REST: variants seen among roughly 807,000 people sequenced by gnomAD.
The protein encoded by REST is RE1 silencing transcription factor.
Under a neutral mutation model 30.4 loss-of-function variants are expected in REST, and 1 was observed. The ratio of observed to expected loss-of-function variants is 0.03; its 90% CI spans 0.01 to 0.16. The LOEUF (loss-of-function observed/expected upper bound fraction) is 0.16, where lower values mean the gene tolerates loss of function less well. Among genes scored for constraint, REST ranks in the 10% least tolerant of loss-of-function variants. The pLI, the probability that REST is intolerant of heterozygous loss-of-function variation, is 1.00. For synonymous variants in REST, 504 were observed against 451.1 expected, an observed-to-expected ratio of 1.12 and a Z score of -1.49; for missense variants, 1,259 against 1,329.5, an observed-to-expected ratio of 0.95 and a Z score of 0.82.
intron 3 of REST, among the ~76,000 whole-genome samples, chr4:56,926,765 G>A (rs1200479699): frequency 6.6e-6 from 1 of 152,024 alleles, no homozygotes; most frequent in Non-Finnish European, 1.5e-5. Context: ...ACATAGATTA[G>A]ATTATTTATA....
In REST at chr4:56,930,380, A is replaced by G. The variant is rs1578513720; in HGVS notation, c.1522A>G (p.Ser508Gly). 7.4e-6 allele frequency: 12 copies of G among 1,613,814 alleles called. No individual in the cohort carries two copies. The East Asian group carries it at 2.7e-4, about 36-fold the overall frequency. The stretch of plus-strand genomic sequence containing the variant: ...GAAAGAGATGGATGTGCATACAGGA[A>G]GCAATTCAGAAAAATTCAGTAAAAC... ...EVKEMDVHTG[S>G]NSEKFSKTKK... The change falls in exon 4 of 4, where the codon AGC becomes GGC. Residue 508 changes from serine (S) to glycine (G), a missense_variant. Ser to Gly is a moderately conservative substitution (Grantham distance 56). Around this residue, in one of 5 missense-constraint regions of REST, gnomAD observed 856 missense variants for 772.8 expected, o/e 1.11. Transcript: ENST00000309042.
chr4:56,913,795 C>A lies in REST; in HGVS notation c.898+2259C>A, dbSNP rs564118398. On this transcript the variant is annotated intron_variant, in intron 2 of 3. Coordinates refer to ENST00000309042, the MANE Select transcript of REST (RefSeq NM_005612.5). Reference sequence around the variant, plus strand: ...TCCCCAGTAGCTGGGATTATAGGTGCCCACCACCATGGCTAGCTAATTTTT... The same window carrying A: ...TCCCCAGTAGCTGGGATTATAGGTGACCACCACCATGGCTAGCTAATTTTT... 2.0e-3 allele frequency among the ~76,000 whole-genome samples: 302 copies of A among 152,178 alleles called. 1 individual carries two copies. The highest frequency in any genetic ancestry group is 6.6e-3 in the African/African-American group (276 of 41,526).
In REST at chr4:56,931,112, C is replaced by A. The variant is rs267600197; in HGVS notation, c.2254C>A (p.Pro752Thr). Reference sequence around the variant, plus strand: ...GCCTGTTCAGATAGAGCTGTCTCCTCCCATGGAGGTGGTCCAGAAGGAACC... The same window carrying A: ...GCCTGTTCAGATAGAGCTGTCTCCTACCATGGAGGTGGTCCAGAAGGAACC... ...KEPVQIELSP[P>T]MEVVQKEPVK... Residue 752 changes from proline to threonine, a missense_variant, in exon 4 of 4, where the codon CCC (proline) becomes ACC (threonine). By Grantham distance (38) the Pro-to-Thr change is conservative. Transcript: ENST00000309042. 1 of 1,598,756 alleles carries A rather than the reference C, an allele frequency of 6.3e-7. No individual in the cohort carries two copies. The highest frequency in any genetic ancestry group is 8.6e-7 in the Non-Finnish European group (1 of 1,168,596).
At position 56,932,598 on chromosome 4, in the gene REST, TTA is replaced by T. The variant is rs542133568; in HGVS notation, c.*447_*448del. ...AGTTAGCACTTTAAGATTTTTTTTT[TTA>T]GAGATGAGAAGACATTTAAATTGAA... On this transcript the variant is annotated 3_prime_UTR_variant, in exon 4 of 4. Transcript: ENST00000309042. 528 of 153,510 alleles carry T rather than the reference TTA, an allele frequency of 3.4e-3. 4 individuals are homozygous for T. The highest frequency in any genetic ancestry group is 4.8e-3 in the Non-Finnish European group (332 of 68,930). 9.5% of individuals were successfully genotyped at this position (153,510 alleles called of 1,614,324 possible). A position where few individuals can be genotyped will look rare whatever the true frequency, so the allele number is the denominator to read the frequency against.
intron 2 of REST, among the ~76,000 whole-genome samples, chr4:56,913,311 T>A (rs577405974): frequency 1.4e-4 from 21 of 152,306 alleles, no homozygotes; most frequent in African/African-American, 4.3e-4. Context: ...AGATGTGCCC[T>A]ACCACACCCT....
chr4:56,930,268 A>G lies in REST; in HGVS notation c.1410A>G (p.Lys470=), dbSNP rs776870549. ...KKNEKSVKAE[K]RDVSKEKKPS... ...ATGAAAAGTCCGTCAAAGCAGAGAA[A>G]AGAGATGTCTCAAAAGAGAAAAAGC... The change falls in exon 4 of 4, where the codon AAA becomes AAG. Residue 470 remains lysine, a synonymous_variant. Transcript: ENST00000309042. 6 of 1,612,692 alleles carry G rather than the reference A, an allele frequency of 3.7e-6. No homozygotes were observed. In the South Asian group the frequency reaches 6.6e-5, roughly 18 times the overall value.
intron 3 of REST, among the ~76,000 whole-genome samples, chr4:56,926,290 G>T (rs985283248): frequency 2.0e-5 from 3 of 151,962 alleles, no homozygotes; most frequent in African/African-American, 7.3e-5. Context: ...CCGGCTCCTG[G>T]TCTCCAACTC....
chr4:56,931,849 G>A lies in REST; in HGVS notation c.2991G>A (p.Met997Ile). 1.9e-6 allele frequency: 3 copies of A among 1,614,210 alleles called. No homozygotes were observed. Among genetic ancestry groups the A allele is most frequent in the East Asian group, 4.5e-5 (2 of 44,880 alleles). Residue 997 changes from methionine to isoleucine, a missense_variant, in exon 4 of 4, where the codon ATG (methionine) becomes ATA (isoleucine). Physicochemically the swap from Met to Ile is conservative, Grantham distance 10. Coordinates refer to ENST00000309042, the MANE Select transcript of REST (RefSeq NM_005612.5). The stretch of plus-strand genomic sequence containing the variant: ...CACTGGCATCACCTCCTGCTACAAT[G>A]GCAGCAAATGAGTCTCAGGAAATTG... ...KTALASPPATMAANESQEIDE... is the reference protein window; with the variant it reads ...KTALASPPATIAANESQEIDE...
rs189516837 is a variant in REST, at chr4:56,920,129, C to T, written c.982+259C>T. 2.2e-3 allele frequency: 617 copies of T among 280,010 alleles called. 3 individuals carry two copies. Among genetic ancestry groups the T allele is most frequent in the African/African-American group, 9.1e-3 (418 of 45,964 alleles). The allele number at this position is 280,010 out of a possible 1,614,324, so 17.3% of individuals were successfully genotyped here. On this transcript the variant is annotated intron_variant, in intron 3 of 3. Transcript: ENST00000309042. ...TTCTCATCAAATCTTTGAAGCGTTC[C>T]GTGACTCCAACAAAAGTTAAACTAA... is the stretch of plus-strand genomic sequence containing the variant.
intron 3 of REST, among the ~76,000 whole-genome samples, chr4:56,928,188 A>C (rs1720796682): frequency 1.3e-5 from 2 of 152,080 alleles, no homozygotes; most frequent in South Asian, 4.1e-4. Context: ...GCTCACTGTA[A>C]TCTTGCCTTC....
intron 3 of REST, among the ~76,000 whole-genome samples, chr4:56,920,505 T>C (rs1720398664): frequency 6.6e-6 from 1 of 151,924 alleles, no homozygotes; most frequent in Non-Finnish European, 1.5e-5. Context: ...CTCACGCCCT[T>C]AATCCCAGCA....
In REST at chr4:56,930,849, A is replaced by G. The variant is rs760516583; in HGVS notation, c.1991A>G (p.Lys664Arg). ...MEVVQEGPAQ[K>R]ELLPPVEPAQ... is the part of the protein sequence containing the mutation. ...GTGGTTCAGGAGGGGCCTGCTCAGA[A>G]GGAGCTGCTGCCTCCCGTGGAGCCT... Residue 664 changes from lysine to arginine, a missense_variant, in exon 4 of 4, where the codon AAG becomes AGG. Transcript: ENST00000309042. 5 of 1,612,962 alleles carry G rather than the reference A, an allele frequency of 3.1e-6. No homozygotes were observed. In the South Asian group the frequency reaches 5.5e-5, roughly 18 times the overall value.
intron 2 of REST, among the ~76,000 whole-genome samples, chr4:56,919,463 C>T (rs1353873366): frequency 6.6e-6 from 1 of 151,906 alleles, no homozygotes; most frequent in Non-Finnish European, 1.5e-5. Context: ...AACAAAAATG[C>T]TTTGTACCTT....
rs1720949781 is a variant in REST at position 56,931,148 on chromosome 4, G to C, written c.2290G>C (p.Glu764Gln). ...EVVQKEPVKI[E>Q]LSPPIEVVQK... ...GGTCCAGAAGGAACCTGTTAAGATA[G>C]AGCTGTCTCCTCCCATAGAGGTGGT... The change falls in exon 4 of 4, where the codon GAG (glutamate) becomes CAG (glutamine). Residue 764 changes from glutamate to glutamine, a missense_variant. This residue lies in a region of REST where 856 missense variants were observed against 772.8 expected (regional missense o/e 1.11). Transcript: ENST00000309042. 6.2e-7 allele frequency: 1 copy of C among 1,607,952 alleles called. No individual in the cohort carries two copies. The highest frequency in any genetic ancestry group is 1.1e-5 in the South Asian group (1 of 90,878).
intron 3 of REST, among the ~76,000 whole-genome samples, chr4:56,927,897 T>C (rs1720784099): frequency 6.6e-6 from 1 of 152,244 alleles, no homozygotes; most frequent in Non-Finnish European, 1.5e-5. Context: ...ATAGCAATGC[T>C]AGCGCAGGAA....
Position 56,932,308 on chromosome 4 carries a change from T to C in REST, c.*156T>C. ...TTCCTTAGGACTTTTTATGTATACC[T>C]GTTGATTGTTGTGTAAATTTTAGTA... is the stretch of plus-strand genomic sequence containing the variant. On this transcript the variant is annotated 3_prime_UTR_variant, in exon 4 of 4. Transcript: ENST00000309042. 1.4e-6 allele frequency: 1 copy of C among 715,478 alleles called. No homozygotes were observed. Among genetic ancestry groups the C allele is most frequent in the South Asian group, 2.1e-5 (1 of 48,748 alleles). 44.3% of individuals were successfully genotyped at this position (715,478 alleles called of 1,614,324 possible). A position where few individuals can be genotyped will look rare whatever the true frequency, so the allele number is the denominator to read the frequency against.
rs542627366 is a variant in REST, at chr4:56,932,634, C to A, written c.*482C>A. 6.5e-6 allele frequency: 1 copy of A among 152,708 alleles called. No individual in the cohort carries two copies. The highest frequency in any genetic ancestry group is 2.4e-5 in the African/African-American group (1 of 41,500). The allele number at this position is 152,708 out of a possible 1,614,324, so 9.5% of individuals were successfully genotyped here. The stretch of plus-strand genomic sequence containing the variant: ...AAGACATTTAAATTGAAGAAAAATT[C>A]CCCCAGCAATAGACAGTCTATCAGT... On this transcript the variant is annotated 3_prime_UTR_variant, in exon 4 of 4. Coordinates refer to ENST00000309042, the MANE Select transcript of REST (RefSeq NM_005612.5).
At position 56,931,253 on chromosome 4, in the gene REST, C is replaced by T; in HGVS notation, c.2395C>T (p.Pro799Ser). Reference sequence around the variant, plus strand: ...GGAGCCTGCTCAGAGGGAGCCACCTCCTCCCAGAGAGCCTCCCCTTCACAT... The same window carrying T: ...GGAGCCTGCTCAGAGGGAGCCACCTTCTCCCAGAGAGCCTCCCCTTCACAT... ...QKEPAQREPPPPREPPLHMEP... is the reference protein window; with the variant it reads ...QKEPAQREPPSPREPPLHMEP... Residue 799 changes from proline to serine, a missense_variant, in exon 4 of 4, where the codon CCT becomes TCT. Pro to Ser is a moderately conservative substitution (Grantham distance 74, BLOSUM62 -1). Coordinates refer to ENST00000309042, the MANE Select transcript of REST (RefSeq NM_005612.5). The T allele has an allele frequency of 6.2e-7, 1 of 1,614,224 alleles. No homozygotes were observed. The highest frequency in any genetic ancestry group is 8.5e-7 in the Non-Finnish European group (1 of 1,180,040).
At position 56,929,833 on chromosome 4, in the gene REST, G is replaced by T; in HGVS notation, c.983-8G>T. 1.3e-6 allele frequency: 2 copies of T among 1,578,178 alleles called. No individual in the cohort carries two copies. The highest frequency in any genetic ancestry group is 8.6e-7 in the Non-Finnish European group (1 of 1,163,540). On this transcript the variant is annotated splice_region_variant and splice_polypyrimidine_tract_variant and intron_variant, in intron 3 of 3. Coordinates refer to ENST00000309042, the MANE Select transcript of REST (RefSeq NM_005612.5). Reference sequence around the variant, plus strand: ...ATGTCTTCTCTCATACTTTTGATTTGCCTTCAGGTGAGAAGCCATTTAAAT... The same window carrying T: ...ATGTCTTCTCTCATACTTTTGATTTTCCTTCAGGTGAGAAGCCATTTAAAT...
Sources: gnomAD v4.1 joint callset for allele counts (sites outside exome capture counted in the v4.1 genomes callset) on GRCh38, gnomAD v4.1.1 for gene constraint, gnomAD v4.1.1 regional missense constraint, MANE v1.5 for transcripts, NCBI Gene and HGNC (gene_info 2026-07-23, HGNC 2026-07-21) for gene names.